The following TRAPPC9 variants were observed in gnomAD, a reference collection of about 807,000 sequenced individuals.
TRAPPC9 encodes IKK2 binding protein.
TRAPPC9 carries 83 observed loss-of-function variants against 124.0 expected under a neutral mutation model. That is an observed-to-expected ratio of 0.67 (90% CI 0.56 to 0.80). The LOEUF is 0.80. Among genes scored for constraint, TRAPPC9 ranks in the 30% least tolerant of loss-of-function variants. The pLI is 0.00. For missense variants in TRAPPC9, 1,302 were observed against 1,508.3 expected (o/e 0.86, Z 2.27); for synonymous variants, 638 against 617.5 (o/e 1.03, Z -0.49).
intron 21 of TRAPPC9, among the ~76,000 whole-genome samples, chr8:139,858,776 C>T (rs988690060): frequency 7.2e-5 from 11 of 151,936 alleles, no homozygotes; most frequent in Admixed American, 6.6e-4. Flanking sequence ...AACGGTTTTG[C>T]CGAGGCCAGA....
At chr8:140,037,627 TACAC>T (rs869201192) in intron 17 of TRAPPC9, among the ~76,000 whole-genome samples, 2 of 140,128 alleles carry the variant, frequency 1.4e-5, no homozygotes, top group African/African-American at 2.7e-5. Flanking sequence ...TACAGACACA[TACAC>T]ACACACAAAA....
chr8:139,878,988 T>C lies in TRAPPC9; in HGVS notation c.3055+6891A>G, dbSNP rs541247385. ...ATTCAAAAATTCAAGAAGAAACTTT[T>C]CCTTTTTGAACTGAATTAGTGAGCC... On this transcript the variant is annotated intron_variant, in intron 21 of 22. Coordinates refer to ENST00000438773, the MANE Select transcript of TRAPPC9 (RefSeq NM_001160372.4). Among the ~76,000 whole-genome samples, 7 of 152,304 alleles carry C rather than the reference T, an allele frequency of 4.6e-5. No homozygotes were observed. In the East Asian group the frequency reaches 1.4e-3, roughly 29 times the overall value.
At chr8:140,255,046 G>A (rs543638783) in intron 15 of TRAPPC9, among the ~76,000 whole-genome samples, 62 of 152,342 alleles carry the variant, frequency 4.1e-4, no homozygotes, top group African/African-American at 1.3e-3. Flanking sequence ...ATTCCTGGCC[G>A]GAGGTGTGCT....
intron 21 of TRAPPC9, among the ~76,000 whole-genome samples, chr8:139,760,115 G>T (rs1820120416): frequency 6.6e-6 from 1 of 152,230 alleles, no homozygotes; most frequent in Non-Finnish European, 1.5e-5. Context: ...GTGTATGTGG[G>T]TGTGGAGCGT....
chr8:140,423,946 G>C (rs1395152869), intron 5 of TRAPPC9, among the ~76,000 whole-genome samples: 1 of 152,092 alleles, frequency 6.6e-6, no homozygotes, highest in Non-Finnish European at 1.5e-5. Flanking sequence ...AAAGAAAATA[G>C]CTTACTAGTT....
intron 17 of TRAPPC9, among the ~76,000 whole-genome samples, chr8:140,149,055 T>G (rs1388663951): frequency 6.6e-6 from 1 of 152,208 alleles, no homozygotes; most frequent in Non-Finnish European, 1.5e-5. Context: ...TTTCAGTGTG[T>G]GCTTTGCTGG....
intron 21 of TRAPPC9, among the ~76,000 whole-genome samples, chr8:139,756,629 G>A (rs1819819534): frequency 7.0e-6 from 1 of 143,000 alleles, no homozygotes; most frequent in African/African-American, 2.7e-5. Context: ...GCCAGGGTTT[G>A]GGGATGAGGA....
chr8:140,312,738 G>A (rs887168794), intron 9 of TRAPPC9, among the ~76,000 whole-genome samples: 5 of 148,180 alleles, frequency 3.4e-5, no homozygotes, highest in Admixed American at 6.8e-5. Flanking sequence ...CTGTGCCTAC[G>A]CATTCTTCTT....
chr8:139,796,013 G>A (rs1823038684), intron 21 of TRAPPC9, among the ~76,000 whole-genome samples: 1 of 151,492 alleles, frequency 6.6e-6, no homozygotes, highest in Non-Finnish European at 1.5e-5. Context: ...GGAAGAGGAG[G>A]ATGAGGAGGA....
intron 17 of TRAPPC9, among the ~76,000 whole-genome samples, chr8:140,121,857 C>T (rs1193080013): frequency 2.6e-5 from 4 of 152,130 alleles, no homozygotes; most frequent in Non-Finnish European, 5.9e-5. Context: ...GATCCCTACC[C>T]TCTGGTGTTC....
chr8:140,371,026 T>C lies in TRAPPC9; in HGVS notation c.1289A>G (p.Lys430Arg), dbSNP rs1388603535. The C allele has an allele frequency of 6.2e-7, 1 of 1,614,238 alleles. No homozygotes were observed. Reference protein sequence around the residue: ...IAEPGWRACYKLLLETLPGYS... With the variant: ...IAEPGWRACYRLLLETLPGYS... Reference sequence around the variant, plus strand: ...GCCGGGCAGCGTTTCCAGGAGGAGTTTGTAGCAGGCCCTCCACCCAGGCTC... The same window carrying C: ...GCCGGGCAGCGTTTCCAGGAGGAGTCTGTAGCAGGCCCTCCACCCAGGCTC... The change falls in exon 8 of 23, where the codon AAA becomes AGA. Residue 430 changes from lysine (K) to arginine (R), a missense_variant. Coordinates refer to ENST00000438773, the MANE Select transcript of TRAPPC9 (RefSeq NM_001160372.4).
intron 18 of TRAPPC9, among the ~76,000 whole-genome samples, chr8:140,004,417 C>T (rs1026794847): frequency 6.6e-6 from 1 of 152,204 alleles, no homozygotes; most frequent in African/African-American, 2.4e-5. Flanking sequence ...TGAAGGACCA[C>T]AGTGCATTAA....
At chr8:140,143,619 C>T (rs943655567) in intron 17 of TRAPPC9, among the ~76,000 whole-genome samples, 2 of 152,158 alleles carry the variant, frequency 1.3e-5, no homozygotes, top group African/African-American at 4.8e-5. Context: ...CTCTTTCCTA[C>T]CCCATGGTCT....
At chr8:140,038,820 G>A (rs1417515232) in intron 17 of TRAPPC9, among the ~76,000 whole-genome samples, 2 of 152,192 alleles carry the variant, frequency 1.3e-5, no homozygotes, top group African/African-American at 2.4e-5. Context: ...TCTGCAGGGC[G>A]CAATCAGAGG....
intron 15 of TRAPPC9, among the ~76,000 whole-genome samples, chr8:140,264,246 C>T (rs2064536286): frequency 6.6e-6 from 1 of 152,136 alleles, no homozygotes; most frequent in Admixed American, 6.5e-5. Context: ...ACAGGTTTCC[C>T]TTTGTCAGCA....
intron 17 of TRAPPC9, among the ~76,000 whole-genome samples, chr8:140,058,333 T>C (rs923304399): frequency 6.6e-6 from 1 of 152,172 alleles, no homozygotes; most frequent in South Asian, 2.1e-4. Context: ...TCAGTGATCA[T>C]TTAAACCCAC....
chr8:139,922,785 G>A lies in TRAPPC9; in HGVS notation c.2811-12485C>T, dbSNP rs150262414. Reference sequence around the variant, plus strand: ...CAGAGGCAGGCGAGAGGTAAAGGACGGGTCCAAATCCATCCCGTGGACACT... The same window carrying A: ...CAGAGGCAGGCGAGAGGTAAAGGACAGGTCCAAATCCATCCCGTGGACACT... On this transcript the variant is annotated intron_variant, in intron 19 of 22. Transcript: ENST00000438773. 2.1e-3 allele frequency among the ~76,000 whole-genome samples: 323 copies of A among 152,328 alleles called. 3 individuals carry two copies. The highest frequency in any genetic ancestry group is 7.2e-3 in the African/African-American group (300 of 41,570).
chr8:140,356,804 T>A (rs149763570), intron 9 of TRAPPC9, among the ~76,000 whole-genome samples: 5,459 of 149,552 alleles, frequency 0.037, 202 homozygotes, highest in African/African-American at 0.1. Flanking sequence ...GAGATGGGGT[T>A]TCACTATGTT....
rs111394805 is a variant in TRAPPC9, at chr8:140,318,324, G to A, written c.1496-6950C>T. Among the ~76,000 whole-genome samples, 893 of 152,250 alleles carry A rather than the reference G, an allele frequency of 5.9e-3. 6 individuals are homozygous for A. Among genetic ancestry groups the A allele is most frequent in the Middle Eastern group, 0.02 (6 of 294 alleles). On this transcript the variant is annotated intron_variant, in intron 9 of 22. Coordinates refer to ENST00000438773, the MANE Select transcript of TRAPPC9 (RefSeq NM_001160372.4). The stretch of plus-strand genomic sequence containing the variant: ...GATTTTTAATACAATGTGAAATGAC[G>A]AAATCAAGCTAACATGTCCATCACC...
Sources: gnomAD v4.1 joint callset for allele counts (sites outside exome capture counted in the v4.1 genomes callset) on GRCh38, gnomAD v4.1.1 for gene constraint, MANE v1.5 for transcripts, NCBI Gene and HGNC (gene_info 2026-07-23, HGNC 2026-07-21) for gene names.